MYO1D: variants seen among roughly 807,000 people sequenced by gnomAD.
MYO1D encodes the protein unconventional myosin-Id.
MYO1D carries 83 observed loss-of-function variants against 122.0 expected under a neutral mutation model. That is an observed-to-expected ratio of 0.68 (90% CI 0.57 to 0.82). The LOEUF (loss-of-function observed/expected upper bound fraction) is 0.82. Ranked by LOEUF, MYO1D falls within the 40% of genes least tolerant of loss-of-function variation. The pLI, the probability that MYO1D is intolerant of heterozygous loss-of-function variation, is 0.00. For synonymous variants in MYO1D, 464 were observed against 446.9 expected (o/e 1.04, Z -0.48); for missense variants, 1,157 against 1,269.5 (o/e 0.91, Z 1.35).
chr17:32,791,363 C>CAAAAAAA (rs60741553), intron 1 of MYO1D, among the ~76,000 whole-genome samples: 2 of 49,490 alleles, frequency 4.0e-5, no homozygotes, highest in African/African-American at 6.5e-5. Flanking sequence ...GACTCCGTCT[C>CAAAAAAA]AAAAAAAAAA....
intron 20 of MYO1D, among the ~76,000 whole-genome samples, chr17:32,629,508 G>A (rs2087974269): frequency 6.6e-6 from 1 of 152,174 alleles, no homozygotes; most frequent in Admixed American, 6.5e-5. Context: ...GCCAAGGCAG[G>A]TGGGTCATGA....
intron 1 of MYO1D, among the ~76,000 whole-genome samples, chr17:32,788,691 C>T (rs2090322125): frequency 6.6e-6 from 1 of 152,062 alleles, no homozygotes; most frequent in African/African-American, 2.4e-5. Flanking sequence ...AATGTCATGC[C>T]TTCAGATTTG....
chr17:32,520,408 G>A (rs1910093271), intron 21 of MYO1D, among the ~76,000 whole-genome samples: 1 of 152,236 alleles, frequency 6.6e-6, no homozygotes, highest in Non-Finnish European at 1.5e-5. Flanking sequence ...AGAGCCAAGG[G>A]GTGTGGCTGG....
rs774425608 is a variant in MYO1D, at chr17:32,760,584, T to C, written c.1079A>G (p.Asn360Ser). Residue 360 changes from asparagine (N) to serine (S), a missense_variant, in exon 9 of 22, where the codon AAT becomes AGT. Asn to Ser is a conservative substitution (Grantham distance 46, BLOSUM62 1). Coordinates refer to ENST00000318217, the MANE Select transcript of MYO1D (RefSeq NM_015194.3). ...RLFCWIVTRI[N>S]DIIEVKNYDT... The stretch of plus-strand genomic sequence containing the variant: ...ATAGTTCTTGACCTCAATAATATCA[T>C]TGATGCGAGTAACGATCCAACAAAA... 3 of 1,613,352 alleles carry C rather than the reference T, an allele frequency of 1.9e-6. No homozygotes were observed. The highest frequency in any genetic ancestry group is 1.7e-6 in the Non-Finnish European group (2 of 1,179,694).
intron 15 of MYO1D, among the ~76,000 whole-genome samples, chr17:32,718,705 G>A (rs12947445): frequency 0.03 from 4,516 of 149,714 alleles, 112 homozygotes; most frequent in Non-Finnish European, 0.05. Context: ...GTCAAAAAAA[G>A]AAAAAAAAAG....
At chr17:32,595,988 T>G (rs1193404419) in intron 21 of MYO1D, among the ~76,000 whole-genome samples, 1 of 152,160 alleles carries the variant, frequency 6.6e-6, no homozygotes, top group Non-Finnish European at 1.5e-5. Context: ...GAATCACATT[T>G]CTAGTTTCCA....
chr17:32,589,154 A>C (rs1480363912), intron 21 of MYO1D, among the ~76,000 whole-genome samples: 1 of 152,038 alleles, frequency 6.6e-6, no homozygotes, highest in Non-Finnish European at 1.5e-5. Context: ...AAAATCAACA[A>C]ACGGCATACA....
chr17:32,505,906 A>G (rs1165575867), intron 21 of MYO1D, among the ~76,000 whole-genome samples: 5 of 152,226 alleles, frequency 3.3e-5, no homozygotes, highest in Non-Finnish European at 5.9e-5. Flanking sequence ...GTCATCTGAG[A>G]GCAAGGGCAA....
intron 12 of MYO1D, among the ~76,000 whole-genome samples, chr17:32,746,983 G>A (rs1376849791): frequency 6.6e-6 from 1 of 152,192 alleles, no homozygotes; most frequent in African/African-American, 2.4e-5. Context: ...TGGTATGAAA[G>A]TACCCTGTAA....
chr17:32,815,171 C>A (rs779564565), intron 1 of MYO1D, among the ~76,000 whole-genome samples: 7 of 152,326 alleles, frequency 4.6e-5, no homozygotes, highest in Admixed American at 2.0e-4. Context: ...CTTTGCAGAG[C>A]TTAACAATAT....
intron 12 of MYO1D, among the ~76,000 whole-genome samples, chr17:32,747,832 A>C (rs1423686645): frequency 6.6e-6 from 1 of 151,610 alleles, no homozygotes; most frequent in African/African-American, 2.4e-5. Flanking sequence ...GCGAGACTCC[A>C]TCTCAAAAAA....
At chr17:32,505,979 G>C (rs1422465231) in intron 21 of MYO1D, among the ~76,000 whole-genome samples, 2 of 152,230 alleles carry the variant, frequency 1.3e-5, no homozygotes, top group African/African-American at 4.8e-5. Context: ...AGCACTTTGG[G>C]AGGCCAAGGT....
chr17:32,862,709 A>C (rs763356716), intron 1 of MYO1D, among the ~76,000 whole-genome samples: 5 of 137,894 alleles, frequency 3.6e-5, no homozygotes, highest in Non-Finnish European at 5.9e-5. Flanking sequence ...TGTGATTATC[A>C]ACGATTAAAT....
chr17:32,493,413 A>T lies in MYO1D; in HGVS notation c.*1346T>A, dbSNP rs1047208. 48,812 of 152,026 alleles carry T rather than the reference A, an allele frequency of 0.32. 8,478 individuals carry two copies. Among genetic ancestry groups the T allele is most frequent in the Non-Finnish European group, 0.39 (26,447 of 68,052 alleles). 9.4% of individuals were successfully genotyped at this position (152,026 alleles called of 1,614,324 possible). ...CCGGGTCAGGGTGGGAAGGCAGGAGAAGTGTCTGTGGCAGGACGGGAAGAA... is the reference window on the plus strand; with the variant it reads ...CCGGGTCAGGGTGGGAAGGCAGGAGTAGTGTCTGTGGCAGGACGGGAAGAA... On this transcript the variant is annotated 3_prime_UTR_variant, in exon 22 of 22. Transcript: ENST00000318217.
intron 1 of MYO1D, among the ~76,000 whole-genome samples, chr17:32,855,395 T>C (rs1312186724): frequency 2.0e-5 from 3 of 152,190 alleles, no homozygotes; most frequent in Non-Finnish European, 4.4e-5. Context: ...GTGTTGCTTG[T>C]TTTTGAATTC....
At chr17:32,665,741 A>G (rs2088627506) in intron 16 of MYO1D, among the ~76,000 whole-genome samples, 1 of 152,030 alleles carries the variant, frequency 6.6e-6, no homozygotes. Flanking sequence ...TTGGCCCTCC[A>G]CTCTCACTGA....
chr17:32,535,799 T>C (rs1020523957), intron 21 of MYO1D, among the ~76,000 whole-genome samples: 1 of 152,182 alleles, frequency 6.6e-6, no homozygotes, highest in African/African-American at 2.4e-5. Flanking sequence ...AGAATATTTA[T>C]ACAAAACTCA....
At chr17:32,858,038 T>C (rs2151085707) in intron 1 of MYO1D, among the ~76,000 whole-genome samples, 1 of 152,326 alleles carries the variant, frequency 6.6e-6, no homozygotes, top group East Asian at 1.9e-4. Flanking sequence ...GAGCATAACA[T>C]CATTTAATAT....
At chr17:32,717,500 T>C (rs2089463136) in intron 15 of MYO1D, among the ~76,000 whole-genome samples, 2 of 152,252 alleles carry the variant, frequency 1.3e-5, no homozygotes. Flanking sequence ...TCTGCATTCA[T>C]CTTTCTTTTT....
Sources: allele counts gnomAD v4.1 joint callset (sites outside exome capture counted in the v4.1 genomes callset), GRCh38; gene constraint gnomAD v4.1.1; transcripts MANE v1.5; gene names NCBI Gene and HGNC (gene_info 2026-07-23, HGNC 2026-07-21).